The following TCERG1L variants were observed in gnomAD, a reference collection of about 807,000 sequenced individuals.
TCERG1L encodes transcription elongation regulator 1 like.
A neutral mutation model predicts 56.3 loss-of-function variants in TCERG1L; 37 were observed. The ratio of observed to expected loss-of-function variants is 0.66; its 90% confidence interval spans 0.51 to 0.87. TCERG1L has a LOEUF of 0.87. Among genes scored for constraint, TCERG1L ranks in the 40% least tolerant of loss-of-function variants. The probability of loss-of-function intolerance (pLI) is 0.00; values close to 1 mark genes in which losing one functional copy is unlikely to be tolerated. For missense variants in TCERG1L, 799 were observed against 774.2 expected, an observed-to-expected ratio of 1.03 and a Z score of -0.38; for synonymous variants, 324 against 326.3, an observed-to-expected ratio of 0.99 and a Z score of 0.08.
intron 4 of TCERG1L, among the ~76,000 whole-genome samples, chr10:131,252,683 A>G (rs1473540325): frequency 6.6e-6 from 1 of 151,974 alleles, no homozygotes; most frequent in South Asian, 2.1e-4. Context: ...CACTCTCCCC[A>G]CTTCTGACAG....
At chr10:131,285,519 A>AG (rs1846524292) in intron 3 of TCERG1L, among the ~76,000 whole-genome samples, 2 of 12,884 alleles carry the variant, frequency 1.6e-4, no homozygotes, top group Non-Finnish European at 5.5e-4. Context: ...AAAGAAAGAA[A>AG]GAAAGAGAGA....
chr10:131,219,668 C>G (rs983996847), intron 4 of TCERG1L, among the ~76,000 whole-genome samples: 1 of 152,206 alleles, frequency 6.6e-6, no homozygotes, highest in Admixed American at 6.5e-5. Context: ...CCTTCCCTTC[C>G]GATGCTCTGA....
chr10:131,100,880 T>C (rs1402688299), intron 10 of TCERG1L, among the ~76,000 whole-genome samples: 1 of 152,220 alleles, frequency 6.6e-6, no homozygotes, highest in Non-Finnish European at 1.5e-5. Flanking sequence ...CGAGCTGCCA[T>C]GCTCCCCTTT....
intron 4 of TCERG1L, among the ~76,000 whole-genome samples, chr10:131,234,307 T>C (rs966664311): frequency 3.3e-5 from 5 of 152,248 alleles, no homozygotes; most frequent in South Asian, 2.1e-4. Context: ...AGATACTTCA[T>C]AGTAAGATAG....
chr10:131,237,064 C>T (rs1845920192), intron 4 of TCERG1L, among the ~76,000 whole-genome samples: 1 of 151,986 alleles, frequency 6.6e-6, no homozygotes, highest in African/African-American at 2.4e-5. Context: ...CTCTGCCCTC[C>T]ACCTCACCCC....
intron 4 of TCERG1L, among the ~76,000 whole-genome samples, chr10:131,222,681 C>T (rs1003365603): frequency 1.3e-5 from 2 of 152,214 alleles, no homozygotes; most frequent in African/African-American, 4.8e-5. Context: ...GATCACCCTA[C>T]TCAGGAAAGA....
intron 7 of TCERG1L, among the ~76,000 whole-genome samples, chr10:131,146,105 AAAGGTCT>A (rs1373158346): frequency 4.6e-5 from 7 of 152,198 alleles, no homozygotes; most frequent in Non-Finnish European, 1.0e-4. Flanking sequence ...AATGTGCTGC[AAAGGTCT>A]AAAGTGAATG....
At chr10:131,247,874 C>A (rs1846055551) in intron 4 of TCERG1L, among the ~76,000 whole-genome samples, 1 of 151,936 alleles carries the variant, frequency 6.6e-6, no homozygotes, top group African/African-American at 2.4e-5. Context: ...TAAATTCACA[C>A]TGACACACCC....
chr10:131,257,066 GA>G lies in TCERG1L; in HGVS notation c.856+3192del, dbSNP rs548470566. On this transcript the variant is annotated intron_variant, in intron 4 of 11. Coordinates refer to ENST00000368642, the MANE Select transcript of TCERG1L (RefSeq NM_174937.4). ...GAAAGAAAGAAAGAAAAGAAAGAAAGAAAAAAAAAAAGTTCTGTGAGTAAGT... is the reference window on the plus strand; with the variant it reads ...GAAAGAAAGAAAGAAAAGAAAGAAAGAAAAAAAAAAGTTCTGTGAGTAAGT... 6.6e-3 allele frequency among the ~76,000 whole-genome samples: 949 copies of G among 143,792 alleles called. 19 individuals are homozygous for G. Among genetic ancestry groups the G allele is most frequent in the African/African-American group, 0.022 (856 of 38,636 alleles). The allele number at this position is 143,792 out of a possible 152,430, so 94.3% of individuals were successfully genotyped here. A position where few individuals can be genotyped will look rare whatever the true frequency, so the allele number is the denominator to read the frequency against.
rs1278312896 is a variant in TCERG1L at position 131,267,657 on chromosome 10, G to T, written c.671-7213C>A. 6.6e-6 allele frequency among the ~76,000 whole-genome samples: 1 copy of T among 152,248 alleles called. No homozygotes were observed. The highest frequency in any genetic ancestry group is 1.5e-5 in the Non-Finnish European group (1 of 68,050). ...GCTTATGGGCTCCCAGGACATGGCAGAGTGTGAGGTTGAAGCTGTGGCAGA... is the reference window on the plus strand; with the variant it reads ...GCTTATGGGCTCCCAGGACATGGCATAGTGTGAGGTTGAAGCTGTGGCAGA... On this transcript the variant is annotated intron_variant, in intron 3 of 11. Coordinates refer to ENST00000368642, the MANE Select transcript of TCERG1L (RefSeq NM_174937.4). The surrounding 1 kb of genome is among the most constrained non-coding windows in gnomAD (Gnocchi z 4.9).
chr10:131,182,135 G>C (rs1208155066), intron 4 of TCERG1L, among the ~76,000 whole-genome samples: 1 of 152,188 alleles, frequency 6.6e-6, no homozygotes, highest in African/African-American at 2.4e-5. Flanking sequence ...CAGGACGTGT[G>C]TGTATGAGCA....
intron 4 of TCERG1L, among the ~76,000 whole-genome samples, chr10:131,258,984 G>A (rs942697380): frequency 3.3e-5 from 5 of 152,084 alleles, no homozygotes; most frequent in South Asian, 2.1e-4. Flanking sequence ...GTTCCACACC[G>A]AGATTATCCA....
rs1845320133 is a variant in TCERG1L, at chr10:131,103,203, T to C, written c.1485+1062A>G. ...CATTGCAATGGGAATACACATGCCA[T>C]CGTAAATGACAAGAATATTCAGGGA... is the stretch of plus-strand genomic sequence containing the variant. On this transcript the variant is annotated intron_variant, in intron 10 of 11. Coordinates refer to ENST00000368642, the MANE Select transcript of TCERG1L (RefSeq NM_174937.4). The surrounding 1 kb of genome is among the most constrained non-coding windows in gnomAD (Gnocchi z 4.3). Among the ~76,000 whole-genome samples, 2 of 151,868 alleles carry C rather than the reference T, an allele frequency of 1.3e-5. No homozygotes were observed. The highest frequency in any genetic ancestry group is 2.9e-5 in the Non-Finnish European group (2 of 68,004).
intron 4 of TCERG1L, among the ~76,000 whole-genome samples, chr10:131,199,597 C>T (rs1027833277): frequency 1.3e-5 from 2 of 152,190 alleles, no homozygotes; most frequent in Non-Finnish European, 2.9e-5. Flanking sequence ...TTTAAAGTAA[C>T]AGGCCTGTTA....
At chr10:131,101,238 C>T (rs1845301544) in intron 10 of TCERG1L, among the ~76,000 whole-genome samples, 1 of 152,220 alleles carries the variant, frequency 6.6e-6, no homozygotes, top group South Asian at 2.1e-4. Flanking sequence ...ATGCCCATGT[C>T]CCCCAGACAT....
At chr10:131,157,323 C>T (rs1284731968) in intron 6 of TCERG1L, among the ~76,000 whole-genome samples, 1 of 152,064 alleles carries the variant, frequency 6.6e-6, no homozygotes, top group East Asian at 1.9e-4. Context: ...TATGTTAAAA[C>T]CAATATTTAA....
At chr10:131,094,849 G>A (rs759903260) in intron 11 of TCERG1L, among the ~76,000 whole-genome samples, 5 of 152,074 alleles carry the variant, frequency 3.3e-5, no homozygotes, top group Non-Finnish European at 4.4e-5. Context: ...CTTGTTCCAC[G>A]CTCCCCTGGC....
At position 131,256,758 on chromosome 10, in the gene TCERG1L, C is replaced by T. The variant is rs573541353; in HGVS notation, c.856+3501G>A. On this transcript the variant is annotated intron_variant, in intron 4 of 11. Coordinates refer to ENST00000368642, the MANE Select transcript of TCERG1L (RefSeq NM_174937.4). ...AATTACCTGGGCATGGGGGTGTGCACCTGTAATCGTAGCTACAGGGGAGAC... is the reference window on the plus strand; with the variant it reads ...AATTACCTGGGCATGGGGGTGTGCATCTGTAATCGTAGCTACAGGGGAGAC... 5.9e-5 allele frequency among the ~76,000 whole-genome samples: 9 copies of T among 151,736 alleles called. No individual in the cohort carries two copies. In the East Asian group the frequency reaches 1.8e-3, roughly 30 times the overall value.
At chr10:131,261,489 G>A (rs1259452639) in intron 3 of TCERG1L, among the ~76,000 whole-genome samples, 1 of 152,222 alleles carries the variant, frequency 6.6e-6, no homozygotes. Context: ...AGGATGGTGC[G>A]CTGTGCACAG....
Sources: gnomAD v4.1 joint callset for allele counts (sites outside exome capture counted in the v4.1 genomes callset) on GRCh38, gnomAD v4.1.1 for gene constraint, Gnocchi (gnomAD v3.1) non-coding constraint, MANE v1.5 for transcripts, NCBI Gene and HGNC (gene_info 2026-07-23, HGNC 2026-07-21) for gene names.